The following PLA2G4C variants were observed in gnomAD, a reference collection of about 807,000 sequenced individuals.
The protein encoded by PLA2G4C is cytosolic phospholipase A2 gamma.
In PLA2G4C, 64 loss-of-function variants were observed where a neutral mutation model predicts 73.8. The observed-to-expected ratio is 0.87, with a 90% CI of 0.71 to 1.07. The LOEUF is 1.07. Ranked by LOEUF, PLA2G4C falls within the 50% of genes least tolerant of loss-of-function variation. The probability of loss-of-function intolerance (pLI) is 0.00; values close to 1 mark genes in which losing one functional copy is unlikely to be tolerated. For synonymous variants in PLA2G4C, 254 were observed against 252.1 expected, an observed-to-expected ratio of 1.01 and a Z score of -0.07; for missense variants, 622 against 665.4, an observed-to-expected ratio of 0.93 and a Z score of 0.72.
At position 48,060,318 on chromosome 19, in the gene PLA2G4C, CT is replaced by C. The variant is rs372673498; in HGVS notation, c.1257+1679del. 4.9e-3 allele frequency among the ~76,000 whole-genome samples: 753 copies of C among 152,238 alleles called. 11 individuals carry two copies. The highest frequency in any genetic ancestry group is 0.018 in the African/African-American group (728 of 41,546). ...CATTAAAATCCGAGGTGTATTTTAT[CT>C]TCATAGCACACTTCAACTTGGGCCA... On this transcript the variant is annotated intron_variant, in intron 14 of 16. Coordinates refer to ENST00000599921, the MANE Select transcript of PLA2G4C (RefSeq NM_003706.3).
At chr19:48,056,305 T>C (rs1289453249) in intron 14 of PLA2G4C, among the ~76,000 whole-genome samples, 1 of 152,160 alleles carries the variant, frequency 6.6e-6, no homozygotes, top group Non-Finnish European at 1.5e-5. Context: ...CCCAGCACTT[T>C]GGGAGGCCAA....
At chr19:48,088,779 A>G in intron 8 of PLA2G4C, 67 bp from the exon 9 acceptor site, 4 of 1,137,764 alleles carry the variant, frequency 3.5e-6, no homozygotes, top group Non-Finnish European at 4.0e-6. Context: ...TAATATAAAA[A>G]ATACAGATGA....
rs1730467976 is a variant in PLA2G4C, at chr19:48,048,015, T to C, written c.*328A>G. The stretch of plus-strand genomic sequence containing the variant: ...GTCATAAAGGAGCAGTGGAAGGCAT[T>C]GGTCTGAACTATCACATTCATTCTG... On this transcript the variant is annotated 3_prime_UTR_variant, in exon 17 of 17. Transcript: ENST00000599921. 2.9e-6 allele frequency: 1 copy of C among 350,476 alleles called. No individual in the cohort carries two copies. 21.7% of individuals were successfully genotyped at this position (350,476 alleles called of 1,614,324 possible). A position where few individuals can be genotyped will look rare whatever the true frequency, so the allele number is the denominator to read the frequency against.
intron 13 of PLA2G4C, among the ~76,000 whole-genome samples, chr19:48,066,958 G>GAC (rs200703260): frequency 0.038 from 5,501 of 143,818 alleles, 120 homozygotes; most frequent in Middle Eastern, 0.067. Context: ...AACAGAGCAA[G>GAC]ACACACACAC....
chr19:48,057,619 A>G lies in PLA2G4C; in HGVS notation c.1258-2570T>C, dbSNP rs185359166. Among the ~76,000 whole-genome samples, 1,155 of 147,276 alleles carry G rather than the reference A, an allele frequency of 7.8e-3. 7 individuals carry two copies. Among genetic ancestry groups the G allele is most frequent in the Non-Finnish European group, 0.013 (865 of 67,002 alleles). ...ATTCTCCTGCCTCAGCCCCACTAGCAGCTGGGATTACAGGCACGTGCCACC... is the reference window on the plus strand; with the variant it reads ...ATTCTCCTGCCTCAGCCCCACTAGCGGCTGGGATTACAGGCACGTGCCACC... On this transcript the variant is annotated intron_variant, in intron 14 of 16. Transcript: ENST00000599921.
Position 48,054,947 on chromosome 19 carries a change from A to T in PLA2G4C, c.1360T>A (p.Tyr454Asn), listed in dbSNP as rs1472686027. 1 of 1,613,974 alleles carries T rather than the reference A, an allele frequency of 6.2e-7. No homozygotes were observed. Among genetic ancestry groups the T allele is most frequent in the Admixed American group, 1.7e-5 (1 of 59,976 alleles). Residue 454 changes from tyrosine (Y) to asparagine (N), a missense_variant, in exon 15 of 17, where the codon TAC (tyrosine) becomes AAC (asparagine). Coordinates refer to ENST00000599921, the MANE Select transcript of PLA2G4C (RefSeq NM_003706.3). ...GGTCCAGTTTCTCCTTTCAGGATGT[A>T]GCAGCTGGCGGGGGCCTTGGACCAC... is the stretch of plus-strand genomic sequence containing the variant. Reference protein sequence around the residue: ...DLWSKAPASCYILKGETGPVV... With the variant: ...DLWSKAPASCNILKGETGPVV...
intron 14 of PLA2G4C, among the ~76,000 whole-genome samples, chr19:48,058,214 G>A (rs536223348): frequency 2.0e-5 from 3 of 151,846 alleles, no homozygotes; most frequent in South Asian, 2.1e-4. Context: ...CAGGAGAATC[G>A]CTTGAACCTG....
rs551028098 is a variant in PLA2G4C, at chr19:48,079,303, G to A, written c.845-1479C>T. Among the ~76,000 whole-genome samples the A allele has an allele frequency of 2.0e-5, 3 of 152,248 alleles. No homozygotes were observed. The South Asian group carries it at 6.2e-4, about 32-fold the overall frequency. ...AGCCTATAGTTACCAAAACAGCACG[G>A]TACTGGTATAAAATTAGGCATGTAG... On this transcript the variant is annotated intron_variant, in intron 10 of 16. Coordinates refer to ENST00000599921, the MANE Select transcript of PLA2G4C (RefSeq NM_003706.3).
Position 48,105,193 on chromosome 19 carries a change from A to G in PLA2G4C, c.120+140T>C, listed in dbSNP as rs2032114144. The G allele has an allele frequency of 1.2e-5, 7 of 599,896 alleles. No individual in the cohort carries two copies. The South Asian group carries it at 1.2e-4, about 10-fold the overall frequency. 37.2% of individuals were successfully genotyped at this position (599,896 alleles called of 1,614,324 possible). A position where few individuals can be genotyped will look rare whatever the true frequency, so the allele number is the denominator to read the frequency against. The stretch of plus-strand genomic sequence containing the variant: ...GGCAGGGGCAATGCCTGTCCCATAG[A>G]AGTTCATATCCTTCTATTTCTATCC... On this transcript the variant is annotated intron_variant, in intron 3 of 16. Coordinates refer to ENST00000599921, the MANE Select transcript of PLA2G4C (RefSeq NM_003706.3).
chr19:48,107,934 A>G (rs1352376384), intron 1 of PLA2G4C, among the ~76,000 whole-genome samples: 1 of 152,196 alleles, frequency 6.6e-6, no homozygotes, highest in East Asian at 1.9e-4. Context: ...CTCCCTGTCC[A>G]GTGGACACGT....
chr19:48,071,725 A>G (rs1432987388), intron 12 of PLA2G4C, among the ~76,000 whole-genome samples: 1 of 152,146 alleles, frequency 6.6e-6, no homozygotes, highest in Non-Finnish European at 1.5e-5. Context: ...CTGGGACTAC[A>G]GGCGTGAGCC....
intron 7 of PLA2G4C, among the ~76,000 whole-genome samples, chr19:48,094,633 G>A (rs2031476019): frequency 6.6e-6 from 1 of 152,154 alleles, no homozygotes; most frequent in Non-Finnish European, 1.5e-5. Flanking sequence ...CTATGTAGGG[G>A]AGCTGTCTGC....
At chr19:48,082,815 CTTT>C (rs936169612) in intron 10 of PLA2G4C, among the ~76,000 whole-genome samples, 10 of 120,494 alleles carry the variant, frequency 8.3e-5, no homozygotes, top group African/African-American at 2.8e-4. Context: ...TTCTTTCTTT[CTTT>C]TTTTTTTTTT....
Position 48,104,599 on chromosome 19 carries a change from A to C in PLA2G4C, c.246T>G (p.Ser82=). The C allele has an allele frequency of 6.2e-7, 1 of 1,614,104 alleles. No individual in the cohort carries two copies. The change falls in exon 4 of 17, where the codon TCT becomes TCG. Residue 82 remains serine (S), a synonymous_variant. Transcript: ENST00000599921. Reference sequence around the variant, plus strand: ...TGAGTGATGCTTACCAAGTGGATCCAGAGACCCCTGCGAGGTACGTGACGG... The same window carrying C: ...TGAGTGATGCTTACCAAGTGGATCCCGAGACCCCTGCGAGGTACGTGACGG... ...LDAVTYLAGV[S]GSTWAISSLY...
chr19:48,110,531 T>TGCTCCGGAATCCGGTGCGGATGCTTGG lies in PLA2G4C; in HGVS notation c.-78_-77insCCAAGCATCCGCACCGGATTCCGGAGC. On this transcript the variant is annotated 5_prime_UTR_variant, in exon 1 of 17. Coordinates refer to ENST00000599921, the MANE Select transcript of PLA2G4C (RefSeq NM_003706.3). ...GTGTGCGCATGCGCGGTGGAGCTTG[T>TGCTCCGGAATCCGGTGCGGATGCTTGG]GCTCCGGAATCCGGTGCGGAGGCTT... 7.2e-7 allele frequency: 1 copy of TGCTCCGGAATCCGGTGCGGATGCTTGG among 1,386,158 alleles called. No individual in the cohort carries two copies. Among genetic ancestry groups the TGCTCCGGAATCCGGTGCGGATGCTTGG allele is most frequent in the Non-Finnish European group, 9.5e-7 (1 of 1,049,482 alleles). 85.9% of individuals were successfully genotyped at this position (1,386,158 alleles called of 1,614,324 possible). A position where few individuals can be genotyped will look rare whatever the true frequency, so the allele number is the denominator to read the frequency against.
rs747990436 is a variant in PLA2G4C at position 48,074,830 on chromosome 19, C to T, written c.943G>A (p.Glu315Lys). 9.5e-5 allele frequency: 154 copies of T among 1,612,914 alleles called. No individual in the cohort carries two copies. The highest frequency in any genetic ancestry group is 6.0e-4 in the South Asian group (55 of 90,916). The change falls in exon 12 of 17, where the codon GAG becomes AAG. Residue 315 changes from glutamate (E) to lysine (K), a missense_variant. By Grantham distance (56) the Glu-to-Lys change is moderately conservative (BLOSUM62 1). Coordinates refer to ENST00000599921, the MANE Select transcript of PLA2G4C (RefSeq NM_003706.3). ...TCCAGGGAGGTCCTGGTCCAATTCT[C>T]GAGCATCTCAGTCAGCCAGGTGTGT... ...PEHTWLTEML[E>K]NWTRTSLEKQ...
At chr19:48,108,929 C>T (rs1211666929) in intron 1 of PLA2G4C, 1 of 152,070 alleles carries the variant, frequency 6.6e-6, no homozygotes, top group African/African-American at 2.4e-5. Flanking sequence ...AACTCTGTCT[C>T]AAAACTAAAT....
chr19:48,070,527 A>G (rs1169840263), intron 12 of PLA2G4C, among the ~76,000 whole-genome samples: 1 of 152,226 alleles, frequency 6.6e-6, no homozygotes, highest in African/African-American at 2.4e-5. Context: ...GATAAGGAAA[A>G]TGTGGCACAT....
Position 48,088,685 on chromosome 19 carries a change from C to T in PLA2G4C, c.790+1G>A. 1.2e-6 allele frequency: 2 copies of T among 1,607,738 alleles called. No homozygotes were observed. The highest frequency in any genetic ancestry group is 1.1e-5 in the South Asian group (1 of 90,926). Reference sequence around the variant, plus strand: ...GATTCATGATGAAGTAGGATGCTTACCTTTCAGGGTCAGATTCCTTAACTG... The same window carrying T: ...GATTCATGATGAAGTAGGATGCTTATCTTTCAGGGTCAGATTCCTTAACTG... On this transcript the variant is annotated splice_donor_variant, in intron 9 of 16. Transcript: ENST00000599921. LOFTEE classifies it high-confidence loss of function.
Sources: gnomAD v4.1 joint callset for allele counts (sites outside exome capture counted in the v4.1 genomes callset) on GRCh38, gnomAD v4.1.1 for gene constraint, MANE v1.5 for transcripts, NCBI Gene and HGNC (gene_info 2026-07-23, HGNC 2026-07-21) for gene names.